Variants in SLC1A6 observed in about 807,000 individuals in gnomAD.
SLC1A6 encodes excitatory amino acid transporter 4.
SLC1A6 carries 15 observed loss-of-function variants against 42.1 expected under a neutral mutation model. The observed-to-expected ratio is 0.36, with a 90% confidence interval of 0.24 to 0.55. The LOEUF is 0.55. SLC1A6 is among the 20% of genes least tolerant of loss of function. SLC1A6 has a pLI of 0.88. For synonymous variants in SLC1A6, 317 were observed against 319.7 expected, an observed-to-expected ratio of 0.99 and a Z score of 0.09; for missense variants, 542 against 772.5, an observed-to-expected ratio of 0.70 and a Z score of 3.54.
chr19:14,999,044 A>AT (rs2045860988), intron 1 of SLC1A6, among the ~76,000 whole-genome samples: 1 of 151,580 alleles, frequency 6.6e-6, no homozygotes, highest in African/African-American at 2.4e-5. Flanking sequence ...CACCTGGCTA[A>AT]TTTTTTTGTA....
intron 6 of SLC1A6, among the ~76,000 whole-genome samples, chr19:14,958,192 C>G (rs1404758599): frequency 6.6e-6 from 1 of 152,064 alleles, no homozygotes; most frequent in African/African-American, 2.4e-5. Flanking sequence ...GGGCAGATCA[C>G]TTGAGGTCAG....
At chr19:14,995,326 CAAAAA>C (rs1173848535) in intron 1 of SLC1A6, among the ~76,000 whole-genome samples, 1 of 53,028 alleles carries the variant, frequency 1.9e-5, no homozygotes, top group South Asian at 8.7e-4. Flanking sequence ...ACTCCATCTC[CAAAAA>C]AAAAAAAAAA....
intron 9 of SLC1A6, among the ~76,000 whole-genome samples, chr19:14,951,411 T>G (rs10414225): frequency 0.58 from 88,258 of 151,898 alleles, 25,817 homozygotes; most frequent in South Asian, 0.67. Context: ...GGCTGAAGAT[T>G]ATAAAATTGG....
chr19:14,970,513 C>T (rs1394729301), intron 3 of SLC1A6, among the ~76,000 whole-genome samples: 1 of 151,532 alleles, frequency 6.6e-6, no homozygotes, highest in African/African-American at 2.4e-5. Context: ...AGATCGAGAC[C>T]ATCCTGGCTA....
At chr19:15,010,620 T>C in exon 1 of SLC1A6, 1 of 642,818 alleles carries the variant, frequency 1.6e-6, no homozygotes, top group Non-Finnish European at 2.7e-6. Flanking sequence ...AGGATGCCAG[T>C]GCACTTAGGC....
chr19:14,983,506 T>C (rs62113323), upstream of SLC1A6, among the ~76,000 whole-genome samples: 19,839 of 151,456 alleles, frequency 0.13, 1,570 homozygotes, highest in African/African-American at 0.23. Context: ...AGCAACATAT[T>C]GAGACTCCCC....
chr19:14,973,604 A>G (rs1471572839), intron 1 of SLC1A6: 1 of 152,928 alleles, frequency 6.5e-6, no homozygotes, highest in Non-Finnish European at 1.5e-5. Context: ...CCTTTTTGAC[A>G]CACCCTGACT....
chr19:15,004,539 CAA>C (rs148218390), intron 1 of SLC1A6, among the ~76,000 whole-genome samples: 2 of 120,492 alleles, frequency 1.7e-5, no homozygotes, highest in Non-Finnish European at 3.3e-5. Context: ...CTCACCTCTA[CAA>C]AAAAAAAAAA....
intron 4 of SLC1A6, among the ~76,000 whole-genome samples, chr19:14,967,191 A>C (rs2045584044): frequency 6.6e-6 from 1 of 152,192 alleles, no homozygotes; most frequent in Non-Finnish European, 1.5e-5. Flanking sequence ...CTGTTGGAGA[A>C]TATATACAAG....
intron 6 of SLC1A6, among the ~76,000 whole-genome samples, chr19:14,957,983 T>C (rs1015325259): frequency 3.3e-5 from 5 of 152,156 alleles, no homozygotes; most frequent in African/African-American, 1.2e-4. Flanking sequence ...ATAGAGAAGA[T>C]GAAAGAAGCA....
intron 2 of SLC1A6, 74 bp downstream of exon 2, chr19:14,972,632 G>T: frequency 7.9e-7 from 1 of 1,261,494 alleles, no homozygotes; most frequent in Non-Finnish European, 1.1e-6. Flanking sequence ...GCAAAGAGAT[G>T]TGTAGAGGCC....
At chr19:14,999,071 G>T (rs1276803796) in intron 1 of SLC1A6, among the ~76,000 whole-genome samples, 3 of 151,804 alleles carry the variant, frequency 2.0e-5, no homozygotes, top group Non-Finnish European at 2.9e-5. Flanking sequence ...GTAGAGACGG[G>T]GTTTCATCGT....
At chr19:14,967,211 C>A (rs1202155284) in intron 4 of SLC1A6, among the ~76,000 whole-genome samples, 1 of 152,112 alleles carries the variant, frequency 6.6e-6, no homozygotes, top group Non-Finnish European at 1.5e-5. Flanking sequence ...GGCTCCAGGG[C>A]AGAAATTGGG....
chr19:15,008,634 A>G (rs1007975238), intron 1 of SLC1A6, among the ~76,000 whole-genome samples: 2 of 152,184 alleles, frequency 1.3e-5, no homozygotes, highest in Non-Finnish European at 2.9e-5. Context: ...ACTATTCACT[A>G]TAGCAAAGTT....
intron 1 of SLC1A6, among the ~76,000 whole-genome samples, chr19:15,000,339 A>G (rs1048038006): frequency 3.3e-5 from 5 of 152,142 alleles, no homozygotes; most frequent in African/African-American, 1.2e-4. Flanking sequence ...CTTCTAGCTA[A>G]AATTTTGTGT....
intron 1 of SLC1A6, among the ~76,000 whole-genome samples, chr19:15,001,814 A>G (rs113582943): frequency 0.011 from 1,707 of 152,106 alleles, 30 homozygotes; most frequent in African/African-American, 0.039. Context: ...GGCACACACC[A>G]TAATGCCCTG....
chr19:14,989,617 C>T (rs1181420648), intron 1 of SLC1A6, among the ~76,000 whole-genome samples: 6 of 152,034 alleles, frequency 3.9e-5, no homozygotes, highest in South Asian at 2.1e-4. Flanking sequence ...GAAAAGACAA[C>T]CCATGTGCTC....
intron 5 of SLC1A6, 104 bp downstream of exon 5, chr19:14,964,215 T>C (rs1422455166): frequency 2.2e-6 from 2 of 912,410 alleles, no homozygotes; most frequent in Non-Finnish European, 3.7e-6. Context: ...CCCATTGCTC[T>C]GTCAGGCCCT....
intron 9 of SLC1A6, 107 bp downstream of exon 9, chr19:14,952,821 A>G: frequency 7.2e-7 from 1 of 1,380,460 alleles, no homozygotes; most frequent in Non-Finnish European, 9.7e-7. Flanking sequence ...AAAATTCTGG[A>G]CCACTGCATC....
Sources: allele counts gnomAD v4.1 joint callset (sites outside exome capture counted in the v4.1 genomes callset), GRCh38; gene constraint gnomAD v4.1.1; transcripts MANE v1.5; gene names NCBI Gene and HGNC (gene_info 2026-07-23, HGNC 2026-07-21).